The following ANK3 variants were observed in gnomAD, a reference collection of about 807,000 sequenced individuals.
ANK3 encodes ankyrin 3, also known as ankyrin-3.
In ANK3, 57 loss-of-function variants were observed where a neutral mutation model predicts 370.9. That is an observed-to-expected ratio of 0.15 (90% CI 0.12 to 0.19). ANK3 has a LOEUF of 0.19. Among genes scored for constraint, ANK3 ranks in the 10% least tolerant of loss-of-function variants. ANK3 has a pLI of 1.00. For synonymous variants in ANK3, 1,929 were observed against 1,946.3 expected (o/e 0.99, Z 0.23); for missense variants, 4,439 against 5,302.1 (o/e 0.84, Z 5.06).
intron 7 of ANK3, among the ~76,000 whole-genome samples, chr10:60,259,678 C>T (rs2097777903): frequency 6.6e-6 from 1 of 152,230 alleles, no homozygotes; most frequent in South Asian, 2.1e-4. Context: ...TTTCTCTAAT[C>T]CTCTTGTTTT....
At chr10:60,161,259 G>A (rs1666548730) in intron 23 of ANK3, among the ~76,000 whole-genome samples, 1 of 151,984 alleles carries the variant, frequency 6.6e-6, no homozygotes, top group African/African-American at 2.4e-5. Flanking sequence ...ATGGAGAAAG[G>A]AGAACCCTCA....
rs2079617057 is a variant in ANK3, at chr10:60,706,356, C to A, written c.57+26907G>T. On this transcript the variant is annotated intron_variant, in intron 1 of 43. Transcript: ENST00000373827. ...CCCTCCCTCACCAGAGACATGCCAG[C>A]CCCAAGGTAACCTCCCTCCCAGCCG... Among the ~76,000 whole-genome samples the A allele has an allele frequency of 4.6e-5, 7 of 152,148 alleles. No homozygotes were observed. The South Asian group carries it at 1.5e-3, about 32-fold the overall frequency.
intron 1 of ANK3, among the ~76,000 whole-genome samples, chr10:60,296,416 G>A (rs2042526855): frequency 6.6e-6 from 1 of 152,136 alleles, no homozygotes; most frequent in South Asian, 2.1e-4. Context: ...CCTCTGTTCT[G>A]GGAAACTTCT....
intron 28 of ANK3, among the ~76,000 whole-genome samples, chr10:60,096,398 T>C (rs2090139774): frequency 6.6e-6 from 1 of 152,150 alleles, no homozygotes; most frequent in East Asian, 1.9e-4. Context: ...ATCCTATACA[T>C]TACAGAAAAA....
At chr10:60,621,600 A>G (rs1302835410) in intron 1 of ANK3, among the ~76,000 whole-genome samples, 1 of 152,230 alleles carries the variant, frequency 6.6e-6, no homozygotes, top group Non-Finnish European at 1.5e-5. Context: ...GAGAAAAGTC[A>G]TCATCCACTT....
chr10:60,235,550 G>GT (rs72388493), intron 7 of ANK3, among the ~76,000 whole-genome samples: 1,340 of 115,010 alleles, frequency 0.012, 54 homozygotes, highest in Middle Eastern at 0.02. Flanking sequence ...CTGATTTCTT[G>GT]TTTTTTTTTT....
intron 1 of ANK3, among the ~76,000 whole-genome samples, chr10:60,695,766 A>C (rs138024131): frequency 0.052 from 7,897 of 152,314 alleles, 285 homozygotes; most frequent in African/African-American, 0.085. Flanking sequence ...GTAGAGGGAA[A>C]TTTATAGCAC....
intron 42 of ANK3, among the ~76,000 whole-genome samples, chr10:60,045,503 T>TTTAAC (rs1294964043): frequency 1.3e-5 from 2 of 152,294 alleles, no homozygotes; most frequent in East Asian, 1.9e-4. Context: ...TTCATTTGTG[T>TTTAAC]TTAACTTAAG....
At chr10:60,604,769 C>T (rs968139463) in intron 2 of ANK3, among the ~76,000 whole-genome samples, 5 of 152,080 alleles carry the variant, frequency 3.3e-5, no homozygotes, top group East Asian at 3.9e-4. Flanking sequence ...AATGAGTGGC[C>T]ACCACCTATG....
intron 21 of ANK3, among the ~76,000 whole-genome samples, chr10:60,170,423 G>A (rs1476382307): frequency 6.6e-6 from 1 of 152,188 alleles, no homozygotes. Context: ...CATCAGTCCT[G>A]TCTAAGCTAG....
intron 1 of ANK3, among the ~76,000 whole-genome samples, chr10:60,372,078 C>T (rs756901448): frequency 6.6e-5 from 10 of 152,184 alleles, no homozygotes; most frequent in Middle Eastern, 3.4e-3. Context: ...TACACTTTAC[C>T]GCTGTTTATA....
At position 60,545,695 on chromosome 10, in the gene ANK3, A is replaced by G. The variant is rs138262878; in HGVS notation, c.96+69491T>C. On this transcript the variant is annotated intron_variant, in intron 2 of 43. Coordinates refer to the ANK3 transcript ENST00000373827. ...ATTGTATATCTAGATCTGACTCACAAGGTCAAAAGATCAGGATAGACATAC... is the reference window on the plus strand; with the variant it reads ...ATTGTATATCTAGATCTGACTCACAGGGTCAAAAGATCAGGATAGACATAC... Among the ~76,000 whole-genome samples the G allele has an allele frequency of 6.6e-5, 10 of 152,330 alleles. No homozygotes were observed. The East Asian group carries it at 1.3e-3, about 21-fold the overall frequency.
chr10:60,670,281 C>T (rs994217288), intron 1 of ANK3, among the ~76,000 whole-genome samples: 1 of 152,108 alleles, frequency 6.6e-6, no homozygotes, highest in Non-Finnish European at 1.5e-5. Flanking sequence ...AATTTTCCCT[C>T]CAAGCCAGTT....
chr10:60,418,859 T>C (rs2063722367), intron 2 of ANK3, among the ~76,000 whole-genome samples: 1 of 152,118 alleles, frequency 6.6e-6, no homozygotes, highest in Admixed American at 6.5e-5. Flanking sequence ...TTCAAACGTA[T>C]AAAACACCCT....
chr10:60,131,917 T>C (rs907121907), intron 25 of ANK3, among the ~76,000 whole-genome samples: 5 of 152,326 alleles, frequency 3.3e-5, no homozygotes, highest in Non-Finnish European at 5.9e-5. Context: ...AGAAATTCCC[T>C]GGCACATGCT....
chr10:60,400,714 T>A (rs566722503), intron 2 of ANK3, among the ~76,000 whole-genome samples: 12 of 152,222 alleles, frequency 7.9e-5, no homozygotes, highest in Admixed American at 5.9e-4. Context: ...ATTTATTTTT[T>A]AATTTTTAAG....
At chr10:60,571,526 C>T (rs2077599459) in intron 2 of ANK3, among the ~76,000 whole-genome samples, 2 of 152,052 alleles carry the variant, frequency 1.3e-5, no homozygotes, top group Admixed American at 1.3e-4. Flanking sequence ...TATATGAGTC[C>T]TAGTAATTAA....
At chr10:60,049,016 G>A (rs1322878474) in intron 42 of ANK3, among the ~76,000 whole-genome samples, 1 of 152,076 alleles carries the variant, frequency 6.6e-6, no homozygotes, top group Non-Finnish European at 1.5e-5. Flanking sequence ...AAGATAGATA[G>A]CAACATATGG....
At chr10:60,060,199 AATAGAATACTAATTAAGATATC>A (rs2080099976) in intron 40 of ANK3, 1 of 424,980 alleles carries the variant, frequency 2.4e-6, no homozygotes, top group Non-Finnish European at 4.1e-6. Context: ...ACTCCAATAA[AATAGAATACTAATTAAGATATC>A]AATTGTTTCT....
Sources: gnomAD v4.1 joint callset for allele counts (sites outside exome capture counted in the v4.1 genomes callset) on GRCh38, gnomAD v4.1.1 for gene constraint, MANE v1.5 for transcripts, NCBI Gene and HGNC (gene_info 2026-07-23, HGNC 2026-07-21) for gene names.